CLDN16: variants seen among roughly 807,000 people sequenced by gnomAD.
CLDN16 encodes the protein claudin 16.
CLDN16 carries 13 observed loss-of-function variants against 24.6 expected under a neutral mutation model. The ratio of observed to expected loss-of-function variants is 0.53; its 90% CI spans 0.34 to 0.84. The LOEUF is 0.84. Among genes scored for constraint, CLDN16 ranks in the 40% least tolerant of loss-of-function variants. CLDN16 has a pLI of 0.01. For synonymous variants in CLDN16, 116 were observed against 106.7 expected, an observed-to-expected ratio of 1.09 and a Z score of -0.54; for missense variants, 298 against 292.7, an observed-to-expected ratio of 1.02 and a Z score of -0.13.
At position 190,402,208 on chromosome 3, in the gene CLDN16, G is replaced by T. The variant is rs1718980117; in HGVS notation, c.115-129G>T. ...CTAATACGCATTGTTTGTTGTAAAT[G>T]AAGTTCTGATCACATGTGTAACCAC... On this transcript the variant is annotated intron_variant, in intron 1 of 4. Coordinates refer to ENST00000264734, the MANE Select transcript of CLDN16 (RefSeq NM_006580.4). 17 of 753,856 alleles carry T rather than the reference G, an allele frequency of 2.3e-5. No individual in the cohort carries two copies. The South Asian group carries it at 2.4e-4, about 11-fold the overall frequency. 46.7% of individuals were successfully genotyped at this position (753,856 alleles called of 1,614,324 possible). A position where few individuals can be genotyped will look rare whatever the true frequency, so the allele number is the denominator to read the frequency against.
At chr3:190,385,042 T>A (rs1262890841), upstream of CLDN16, among the ~76,000 whole-genome samples, 1 of 152,164 alleles carries the variant, frequency 6.6e-6, no homozygotes, top group African/African-American at 2.4e-5. Context: ...TTCCTGCTTC[T>A]GGTCCACTCA....
At position 190,411,499 on chromosome 3, in the gene CLDN16, A is replaced by C. The variant is rs901439215; in HGVS notation, c.*1463A>C. On this transcript the variant is annotated 3_prime_UTR_variant, in exon 5 of 5. Coordinates refer to ENST00000264734, the MANE Select transcript of CLDN16 (RefSeq NM_006580.4). ...ATTAGTACCTTTATGGTACCCTTGC[A>C]GTACCTGAAAAGAATATCAACCTGA... The C allele has an allele frequency of 9.2e-5, 14 of 152,104 alleles. No homozygotes were observed. The highest frequency in any genetic ancestry group is 3.4e-4 in the African/African-American group (14 of 41,392). The allele number at this position is 152,104 out of a possible 1,614,324, so 9.4% of individuals were successfully genotyped here. A position where few individuals can be genotyped will look rare whatever the true frequency, so the allele number is the denominator to read the frequency against.
chr3:190,406,149 T>A (rs777717702), intron 3 of CLDN16, among the ~76,000 whole-genome samples: 19 of 152,216 alleles, frequency 1.2e-4, no homozygotes, highest in Non-Finnish European at 2.4e-4. Flanking sequence ...AGATGCAATG[T>A]GGGCACAGCA....
At chr3:190,310,312 C>T in the CLDN16 span, 1 of 1,347,396 alleles carries the variant, frequency 7.4e-7, no homozygotes. Context: ...CCTAAATACA[C>T]AACCTGTTAA....
the CLDN16 span, among the ~76,000 whole-genome samples, chr3:190,304,062 T>C: frequency 6.6e-6 from 1 of 152,222 alleles, no homozygotes; most frequent in Non-Finnish European, 1.5e-5. Flanking sequence ...CCACACAGTA[T>C]GTTGAAATCC....
intron 1 of CLDN16, among the ~76,000 whole-genome samples, chr3:190,323,021 C>CACACACACACACACACAG (rs1210905488): frequency 4.0e-5 from 6 of 150,216 alleles, no homozygotes; most frequent in Non-Finnish European, 7.4e-5. Flanking sequence ...CACACACACA[C>CACACACACACACACACAG]ACACACAGAC....
At chr3:190,409,809 T>G (rs893134038) in intron 4 of CLDN16, 94 bp from the exon 5 acceptor site, 42 of 1,182,058 alleles carry the variant, frequency 3.6e-5, no homozygotes, top group Admixed American at 5.7e-5. Flanking sequence ...GTATCTATAT[T>G]CTTGTTCCTT....
At chr3:190,365,019 G>A (rs1341544082) in intron 1 of CLDN16, among the ~76,000 whole-genome samples, 1 of 151,630 alleles carries the variant, frequency 6.6e-6, no homozygotes, top group Non-Finnish European at 1.5e-5. Context: ...AATTTTACTG[G>A]GAATTTGCTC....
At chr3:190,394,316 A>G (rs1221915176) in intron 1 of CLDN16, among the ~76,000 whole-genome samples, 1 of 152,164 alleles carries the variant, frequency 6.6e-6, no homozygotes, top group Non-Finnish European at 1.5e-5. Context: ...TTTTCAGTTC[A>G]TCTTTGTTAA....
At chr3:190,366,555 C>G (rs1718028906) in intron 1 of CLDN16, among the ~76,000 whole-genome samples, 1 of 151,978 alleles carries the variant, frequency 6.6e-6, no homozygotes, top group South Asian at 2.1e-4. Context: ...CAGTGCTCAT[C>G]CAAACACACC....
At chr3:190,300,833 A>G in the CLDN16 span, among the ~76,000 whole-genome samples, 1 of 152,348 alleles carries the variant, frequency 6.6e-6, no homozygotes, top group South Asian at 2.1e-4. Flanking sequence ...AGATGCAATT[A>G]TTAAAAGGGC....
chr3:190,358,834 C>T (rs575311995), intron 1 of CLDN16, among the ~76,000 whole-genome samples: 3 of 151,936 alleles, frequency 2.0e-5, no homozygotes, highest in South Asian at 2.1e-4. Context: ...CCCATTGTTA[C>T]CCTTGGAAGG....
chr3:190,314,325 T>A, the CLDN16 span, among the ~76,000 whole-genome samples: 1 of 152,204 alleles, frequency 6.6e-6, no homozygotes, highest in South Asian at 2.1e-4. Flanking sequence ...TAAAACTTCA[T>A]TAAATCTTGA....
chr3:190,389,127 C>T (rs975942417), intron 1 of CLDN16, among the ~76,000 whole-genome samples: 3 of 152,020 alleles, frequency 2.0e-5, no homozygotes, highest in African/African-American at 7.2e-5. Context: ...TTATTTTTCT[C>T]GCTGGAGAAG....
At chr3:190,324,348 T>C (rs1717011137) in intron 1 of CLDN16, among the ~76,000 whole-genome samples, 1 of 151,698 alleles carries the variant, frequency 6.6e-6, no homozygotes, top group African/African-American at 2.4e-5. Context: ...CCGGGCATGG[T>C]GGTGGGCGCC....
chr3:190,396,915 T>G (rs1389662263), intron 1 of CLDN16, among the ~76,000 whole-genome samples: 3 of 152,098 alleles, frequency 2.0e-5, no homozygotes, highest in Non-Finnish European at 2.9e-5. Flanking sequence ...AAGAGAAAAC[T>G]CAAATGCCTT....
chr3:190,360,481 AAGAAAC>A (rs1717864024), intron 1 of CLDN16, among the ~76,000 whole-genome samples: 1 of 151,946 alleles, frequency 6.6e-6, no homozygotes, highest in Admixed American at 6.6e-5. Context: ...AAGAGATAAT[AAGAAAC>A]TCAACTGGTG....
chr3:190,331,001 A>G (rs963255192), intron 1 of CLDN16, among the ~76,000 whole-genome samples: 1 of 152,214 alleles, frequency 6.6e-6, no homozygotes, highest in Non-Finnish European at 1.5e-5. Flanking sequence ...AGGGAGAACC[A>G]GAATCAATGA....
chr3:190,361,843 A>C (rs1717894359), intron 1 of CLDN16, among the ~76,000 whole-genome samples: 1 of 151,922 alleles, frequency 6.6e-6, no homozygotes, highest in Non-Finnish European at 1.5e-5. Flanking sequence ...TGGGGGCCAG[A>C]CATGTTCAAC....
Sources: gnomAD v4.1 joint callset for allele counts (sites outside exome capture counted in the v4.1 genomes callset) on GRCh38, gnomAD v4.1.1 for gene constraint, MANE v1.5 for transcripts, NCBI Gene and HGNC (gene_info 2026-07-23, HGNC 2026-07-21) for gene names.